CSMD1: variants seen among roughly 807,000 people sequenced by gnomAD.
The protein encoded by CSMD1 is CUB and Sushi multiple domains 1.
CSMD1 carries 213 observed loss-of-function variants against 417.5 expected under a neutral mutation model. The observed-to-expected ratio is 0.51, with a 90% CI of 0.46 to 0.57. CSMD1 has a LOEUF of 0.57. Among genes scored for constraint, CSMD1 ranks in the 20% least tolerant of loss-of-function variants. The probability of loss-of-function intolerance (pLI) is 0.00; values close to 1 mark genes in which losing one functional copy is unlikely to be tolerated. For missense variants in CSMD1, 6,923 were observed against 4,529.7 expected (o/e 1.53, Z -15.17); for synonymous variants, 2,862 against 1,736.8 (o/e 1.65, Z -16.11).
chr8:4,094,263 G>A (rs1800882047), intron 3 of CSMD1, among the ~76,000 whole-genome samples: 1 of 152,070 alleles, frequency 6.6e-6, no homozygotes, highest in African/African-American at 2.4e-5. Flanking sequence ...TAAATCAGGG[G>A]TGATCTACTG....
intron 3 of CSMD1, among the ~76,000 whole-genome samples, chr8:4,325,618 C>G (rs1244567342): frequency 6.6e-6 from 1 of 152,146 alleles, no homozygotes; most frequent in Non-Finnish European, 1.5e-5. Flanking sequence ...ATGAAAGCAT[C>G]TGAAGATTTT....
At chr8:4,364,931 T>C (rs1801979721) in intron 3 of CSMD1, among the ~76,000 whole-genome samples, 1 of 145,428 alleles carries the variant, frequency 6.9e-6, no homozygotes, top group African/African-American at 2.5e-5. Context: ...TGAACCTAAA[T>C]CAAAGCACCC....
chr8:3,632,938 T>A (rs1186282989), intron 7 of CSMD1, among the ~76,000 whole-genome samples: 1 of 152,228 alleles, frequency 6.6e-6, no homozygotes, highest in Admixed American at 6.5e-5. Context: ...ATAATGATCA[T>A]TTCAGAAGTA....
At chr8:3,606,869 C>T (rs1199550107) in intron 8 of CSMD1, among the ~76,000 whole-genome samples, 1 of 151,950 alleles carries the variant, frequency 6.6e-6, no homozygotes, top group South Asian at 2.1e-4. Context: ...TGCCACCACG[C>T]CCGGCAAATT....
intron 1 of CSMD1, among the ~76,000 whole-genome samples, chr8:4,786,152 A>T (rs1294866111): frequency 1.3e-5 from 2 of 152,166 alleles, no homozygotes; most frequent in Non-Finnish European, 2.9e-5. Flanking sequence ...TTTAACAGCC[A>T]CTTATGAGCC....
intron 18 of CSMD1, among the ~76,000 whole-genome samples, chr8:3,383,354 G>A (rs562909472): frequency 5.3e-5 from 8 of 152,138 alleles, no homozygotes; most frequent in African/African-American, 1.9e-4. Context: ...ACTCTGAACG[G>A]AGGGAAGCCT....
chr8:4,752,939 A>C (rs962695675), intron 1 of CSMD1, among the ~76,000 whole-genome samples: 1 of 152,190 alleles, frequency 6.6e-6, no homozygotes, highest in Non-Finnish European at 1.5e-5. Flanking sequence ...TGGCGTGATG[A>C]TGCTCACAGC....
At chr8:3,853,750 A>G (rs1463152199) in intron 5 of CSMD1, among the ~76,000 whole-genome samples, 4 of 151,804 alleles carry the variant, frequency 2.6e-5, no homozygotes, top group Non-Finnish European at 5.9e-5. Context: ...GGACAGCATT[A>G]GGAGATATAC....
intron 2 of CSMD1, among the ~76,000 whole-genome samples, chr8:4,420,970 A>T (rs1401370435): frequency 6.6e-6 from 1 of 152,032 alleles, no homozygotes; most frequent in Non-Finnish European, 1.5e-5. Flanking sequence ...GGGATCTTCA[A>T]CTCTCAAATT....
intron 1 of CSMD1, among the ~76,000 whole-genome samples, chr8:4,949,949 A>G (rs1231478423): frequency 6.6e-6 from 1 of 152,122 alleles, no homozygotes; most frequent in Non-Finnish European, 1.5e-5. Flanking sequence ...CTACATTGCA[A>G]GAATATTTTA....
chr8:3,866,811 T>C (rs1341854888), intron 5 of CSMD1, among the ~76,000 whole-genome samples: 1 of 152,178 alleles, frequency 6.6e-6, no homozygotes. Flanking sequence ...ATCCTTAATA[T>C]GAAGGACTTC....
At chr8:3,237,066 T>A (rs1213760417) in intron 26 of CSMD1, among the ~76,000 whole-genome samples, 1 of 152,072 alleles carries the variant, frequency 6.6e-6, no homozygotes, top group African/African-American at 2.4e-5. Context: ...TGGGTCTGAC[T>A]GTTTCCAACA....
intron 25 of CSMD1, among the ~76,000 whole-genome samples, chr8:3,293,660 C>A (rs1401092606): frequency 6.6e-6 from 1 of 152,088 alleles, no homozygotes; most frequent in African/African-American, 2.4e-5. Context: ...GTCCTCGTGC[C>A]TTGGTTTTCA....
chr8:3,256,487 A>G (rs990863743), intron 26 of CSMD1, among the ~76,000 whole-genome samples: 10 of 152,194 alleles, frequency 6.6e-5, no homozygotes, highest in African/African-American at 1.4e-4. Context: ...TCTAGCTACT[A>G]TATCTATAGA....
intron 1 of CSMD1, among the ~76,000 whole-genome samples, chr8:4,723,801 C>CAA (rs1160845027): frequency 0.044 from 4,276 of 98,010 alleles, 72 homozygotes; most frequent in Non-Finnish European, 0.059. Flanking sequence ...AAAAAAAAAA[C>CAA]AAAAAAAAAA....
rs765904838 is a variant in CSMD1 at position 4,912,135 on chromosome 8, A to AAAAAAAAAAAAAAAAAAAAAAAAG, written c.85+82196_85+82197insCTTTTTTTTTTTTTTTTTTTTTTT. 7.0e-4 allele frequency among the ~76,000 whole-genome samples: 81 copies of AAAAAAAAAAAAAAAAAAAAAAAAG among 115,548 alleles called. 2 individuals carry two copies. The highest frequency in any genetic ancestry group is 1.5e-3 in the South Asian group (5 of 3,430). The allele number at this position is 115,548 out of a possible 152,430, so 75.8% of individuals were successfully genotyped here. On this transcript the variant is annotated intron_variant, in intron 1 of 69. Coordinates refer to ENST00000635120, the MANE Select transcript of CSMD1 (RefSeq NM_033225.6). ...TCAACATAGCTTCAAAAAAAAAAAA[A>AAAAAAAAAAAAAAAAAAAAAAAAG]AAAAAAGAAAGAAAGAAAAGAAAAG...
At chr8:4,689,248 A>C (rs1806599656) in intron 1 of CSMD1, among the ~76,000 whole-genome samples, 1 of 152,186 alleles carries the variant, frequency 6.6e-6, no homozygotes, top group Non-Finnish European at 1.5e-5. Context: ...ACCAAGCGTA[A>C]CAGTATGGAA....
At chr8:4,033,061 C>G (rs914974069) in intron 3 of CSMD1, among the ~76,000 whole-genome samples, 1 of 147,470 alleles carries the variant, frequency 6.8e-6, no homozygotes, top group Non-Finnish European at 1.5e-5. Context: ...TCTTCTAACC[C>G]AGACATTCCT....
intron 3 of CSMD1, among the ~76,000 whole-genome samples, chr8:4,303,396 C>G (rs1036201593): frequency 1.5e-4 from 19 of 124,830 alleles, no homozygotes; most frequent in Non-Finnish European, 2.0e-4. Flanking sequence ...TATTCATTGT[C>G]TCATTTATAT....
Sources: gnomAD v4.1 joint callset for allele counts (sites outside exome capture counted in the v4.1 genomes callset) on GRCh38, gnomAD v4.1.1 for gene constraint, MANE v1.5 for transcripts, NCBI Gene and HGNC (gene_info 2026-07-23, HGNC 2026-07-21) for gene names.